The following EYS variants were observed in gnomAD, a reference collection of about 807,000 sequenced individuals.
EYS encodes the protein protein eyes shut homolog.
Under a neutral mutation model 282.1 loss-of-function variants are expected in EYS, and 250 were observed. That is an observed-to-expected ratio of 0.89 (90% CI 0.80 to 0.98). The LOEUF (loss-of-function observed/expected upper bound fraction) is 0.98. Among genes scored for constraint, EYS ranks in the 50% least tolerant of loss-of-function variants. EYS has a pLI of 0.00. For synonymous variants in EYS, 1,355 were observed against 1,282.9 expected, an observed-to-expected ratio of 1.06 and a Z score of -1.20; for missense variants, 4,016 against 3,709.0, an observed-to-expected ratio of 1.08 and a Z score of -2.15.
intron 36 of EYS, among the ~76,000 whole-genome samples, chr6:63,829,399 C>A (rs936196449): frequency 1.3e-5 from 2 of 152,196 alleles, no homozygotes; most frequent in African/African-American, 4.8e-5. Flanking sequence ...TAGCAAATGG[C>A]ACACCAGGAG....
intron 28 of EYS, among the ~76,000 whole-genome samples, chr6:64,417,573 A>G (rs1276272775): frequency 6.6e-6 from 1 of 151,444 alleles, no homozygotes; most frequent in Admixed American, 6.6e-5. Context: ...AATTTTTTTT[A>G]TTTAGTTGCA....
Position 63,726,647 on chromosome 6 carries a change from T to C in EYS, c.8105A>G (p.Asn2702Ser), listed in dbSNP as rs2149631892. 1.3e-6 allele frequency: 2 copies of C among 1,551,294 alleles called. No individual in the cohort carries two copies. Among genetic ancestry groups the C allele is most frequent in the Admixed American group, 2.0e-5 (1 of 50,990 alleles). ...AGCAAAAGACATCCAGGATAACTCA[T>C]TGCTTCTGAAAGATGGATCACTTAT... ...LSISDPSFRS[N>S]ELSWMSFASF... is the part of the protein sequence containing the mutation. Residue 2702 changes from asparagine (N) to serine (S), a missense_variant, in exon 42 of 43, where the codon AAT becomes AGT. By Grantham distance (46) the Asn-to-Ser change is conservative (BLOSUM62 1). Coordinates refer to ENST00000503581, the MANE Select transcript of EYS (RefSeq NM_001142800.2).
chr6:64,396,943 T>G (rs147783633), intron 28 of EYS, among the ~76,000 whole-genome samples: 56 of 152,198 alleles, frequency 3.7e-4, no homozygotes, highest in Non-Finnish European at 6.8e-4. Flanking sequence ...TGTGTGTGTA[T>G]TCCTGGGCTC....
intron 12 of EYS, among the ~76,000 whole-genome samples, chr6:65,200,573 G>C (rs137880503): frequency 9.8e-4 from 149 of 151,710 alleles, no homozygotes; most frequent in Non-Finnish European, 1.9e-3. Context: ...TAAACTAAGA[G>C]GAAGGTGATT....
At chr6:64,914,947 G>A (rs1289681439) in intron 15 of EYS, among the ~76,000 whole-genome samples, 1 of 151,932 alleles carries the variant, frequency 6.6e-6, no homozygotes, top group Non-Finnish European at 1.5e-5. Context: ...ATATACCTAA[G>A]GGTATGTTAT....
chr6:63,845,499 G>C (rs759715782), intron 36 of EYS, among the ~76,000 whole-genome samples: 2 of 151,398 alleles, frequency 1.3e-5, no homozygotes, highest in Non-Finnish European at 2.9e-5. Context: ...GCACCACACT[G>C]CCCTTTACTC....
rs370387527 is a variant in EYS, at chr6:64,562,128, T to TTC, written c.5644+28093_5644+28094dup. Among the ~76,000 whole-genome samples the TTC allele has an allele frequency of 5.5e-3, 839 of 152,006 alleles. 11 individuals are homozygous for TTC. The highest frequency in any genetic ancestry group is 0.019 in the African/African-American group (785 of 41,568). ...TTGAATGACTTCAAAGTATCAGGCC[T>TTC]TCTTAGAGACTACATTTATTAGCAG... On this transcript the variant is annotated intron_variant, in intron 26 of 42. Coordinates refer to ENST00000503581, the MANE Select transcript of EYS (RefSeq NM_001142800.2).
chr6:64,888,882 A>C (rs1449670523), intron 18 of EYS, among the ~76,000 whole-genome samples: 1 of 152,066 alleles, frequency 6.6e-6, no homozygotes. Flanking sequence ...AATTCTCAGA[A>C]ATAGCAGTGA....
chr6:64,129,636 T>G (rs1370798061), intron 31 of EYS, among the ~76,000 whole-genome samples: 3 of 152,196 alleles, frequency 2.0e-5, no homozygotes, highest in Non-Finnish European at 4.4e-5. Context: ...TTAGTTTAAT[T>G]AGATCCCATT....
intron 2 of EYS, among the ~76,000 whole-genome samples, chr6:65,618,076 G>A (rs1167853424): frequency 1.3e-5 from 2 of 152,164 alleles, no homozygotes; most frequent in African/African-American, 2.4e-5. Context: ...CCAGTAATGG[G>A]ATGGCTGGGT....
At chr6:65,638,823 C>A (rs536341420) in intron 2 of EYS, among the ~76,000 whole-genome samples, 1 of 152,228 alleles carries the variant, frequency 6.6e-6, no homozygotes, top group Non-Finnish European at 1.5e-5. Flanking sequence ...GGCAGGCTGA[C>A]TGGGCAGAAC....
intron 22 of EYS, among the ~76,000 whole-genome samples, chr6:64,784,191 C>A (rs1773947266): frequency 6.6e-6 from 1 of 151,414 alleles, no homozygotes; most frequent in African/African-American, 2.4e-5. Context: ...AATTATCTTT[C>A]TTTTCTTTTT....
At chr6:64,855,393 C>G (rs187026363) in intron 19 of EYS, among the ~76,000 whole-genome samples, 161 of 152,012 alleles carry the variant, frequency 1.1e-3, no homozygotes, top group Middle Eastern at 0.01. Context: ...TTTTCCTTTT[C>G]TCTAGTTTTT....
At chr6:65,468,385 C>T (rs920806614) in intron 5 of EYS, among the ~76,000 whole-genome samples, 3 of 152,126 alleles carry the variant, frequency 2.0e-5, no homozygotes, top group African/African-American at 7.2e-5. Flanking sequence ...AGATTAGCTA[C>T]TTTACATTTA....
intron 30 of EYS, among the ~76,000 whole-genome samples, chr6:64,238,479 G>A (rs1318863602): frequency 6.6e-6 from 1 of 151,886 alleles, no homozygotes; most frequent in African/African-American, 2.4e-5. Flanking sequence ...GGATTTTAAT[G>A]TACCCCTCAC....
intron 30 of EYS, among the ~76,000 whole-genome samples, chr6:64,289,322 G>T (rs1167392271): frequency 6.6e-6 from 1 of 152,024 alleles, no homozygotes; most frequent in Non-Finnish European, 1.5e-5. Context: ...GGCTGAGAAA[G>T]GTGACTGTCT....
At chr6:64,423,907 A>T (rs1319224464) in intron 28 of EYS, among the ~76,000 whole-genome samples, 1 of 152,216 alleles carries the variant, frequency 6.6e-6, no homozygotes, top group African/African-American at 2.4e-5. Flanking sequence ...TTGTATATAA[A>T]CTTAATATGA....
chr6:65,512,545 T>A (rs1200904569), intron 2 of EYS, among the ~76,000 whole-genome samples: 3 of 145,726 alleles, frequency 2.1e-5, no homozygotes, highest in African/African-American at 7.5e-5. Flanking sequence ...ATTATAAAAA[T>A]GCTTCTTCAC....
At chr6:64,446,986 TGGG>T (rs71551588) in intron 26 of EYS, among the ~76,000 whole-genome samples, 11 of 138,780 alleles carry the variant, frequency 7.9e-5, no homozygotes, top group East Asian at 4.3e-4. Flanking sequence ...TGTGTGTGTG[TGGG>T]GGGGGGGTGC....
Sources: allele counts gnomAD v4.1 joint callset (sites outside exome capture counted in the v4.1 genomes callset), GRCh38; gene constraint gnomAD v4.1.1; transcripts MANE v1.5; gene names NCBI Gene and HGNC (gene_info 2026-07-23, HGNC 2026-07-21).